Variants in ZNF114 observed in about 807,000 individuals in gnomAD.
ZNF114 encodes zinc finger protein 114 (Y18).
In ZNF114, 8 loss-of-function variants were observed where a neutral mutation model predicts 6.8. The observed-to-expected ratio is 1.18, with a 90% CI of 0.69 to 2.13. ZNF114 has a LOEUF of 2.13. ZNF114 is among the 30% of genes most tolerant of loss of function. The probability of loss-of-function intolerance (pLI) is 0.00; values close to 1 mark genes in which losing one functional copy is unlikely to be tolerated. For synonymous variants in ZNF114, 169 were observed against 185.5 expected, an observed-to-expected ratio of 0.91 and a Z score of 0.72; for missense variants, 472 against 519.5, an observed-to-expected ratio of 0.91 and a Z score of 0.89.
chr19:48,277,181 A>G lies in ZNF114; in HGVS notation c.-69-2550A>G, dbSNP rs567753995. The stretch of plus-strand genomic sequence containing the variant: ...GTCTCAAAAAAAAATTTTTTTTAAT[A>G]TATATATTTTTGTTATATTAGCTGG... On this transcript the variant is annotated intron_variant, in intron 3 of 5. Coordinates refer to ENST00000595607, the MANE Select transcript of ZNF114 (RefSeq NM_153608.4). 1.0e-4 allele frequency among the ~76,000 whole-genome samples: 15 copies of G among 148,920 alleles called. 1 individual carries two copies. In the South Asian group the frequency reaches 1.7e-3, roughly 17 times the overall value.
At position 48,274,369 on chromosome 19, in the gene ZNF114, CATCTT is replaced by C. The variant is rs199537898; in HGVS notation, c.-70+2544_-70+2548del. ...TCTAACATTTTATGAACAAATGACT[CATCTT>C]ATACTATTTAAGTTGACCACAGTCA... On this transcript the variant is annotated intron_variant, in intron 3 of 5. Coordinates refer to ENST00000595607, the MANE Select transcript of ZNF114 (RefSeq NM_153608.4). 7.7e-3 allele frequency among the ~76,000 whole-genome samples: 1,173 copies of C among 151,376 alleles called. 13 individuals carry two copies. The highest frequency in any genetic ancestry group is 0.012 in the Non-Finnish European group (811 of 67,896).
intron 3 of ZNF114, among the ~76,000 whole-genome samples, chr19:48,272,685 A>AAAAAAAAAAAG: frequency 7.0e-6 from 1 of 142,888 alleles, no homozygotes; most frequent in Non-Finnish European, 1.5e-5. Context: ...AAAAAAAAAA[A>AAAAAAAAAAAG]AAAAAAAAAA....
chr19:48,275,457 C>CACACACACACACAA lies in ZNF114; in HGVS notation c.-70+3630_-70+3631insCACACACACACAAA, dbSNP rs1181746572. 2.9e-4 allele frequency among the ~76,000 whole-genome samples: 42 copies of CACACACACACACAA among 144,676 alleles called. 1 individual carries two copies. Among genetic ancestry groups the CACACACACACACAA allele is most frequent in the South Asian group, 1.6e-3 (7 of 4,476 alleles). 94.9% of individuals were successfully genotyped at this position (144,676 alleles called of 152,430 possible). On this transcript the variant is annotated intron_variant, in intron 3 of 5. Transcript: ENST00000595607. ...ACACACACACACACACACACACACA[C>CACACACACACACAA]AAAATAGCCAGGCGTGGTGGTGGTC...
chr19:48,284,696 G>T (rs889834280), intron 5 of ZNF114, among the ~76,000 whole-genome samples: 1 of 152,226 alleles, frequency 6.6e-6, no homozygotes, highest in African/African-American at 2.4e-5. Context: ...CTCTCAAAGT[G>T]CTGGGATTAC....
intron 3 of ZNF114, among the ~76,000 whole-genome samples, chr19:48,275,419 A>AACACACACAC (rs58275965): frequency 0.053 from 7,071 of 133,024 alleles, 273 homozygotes; most frequent in African/African-American, 0.1. Context: ...TCTCTACTAA[A>AACACACACAC]ACACACACAC....
chr19:48,281,618 C>T (rs1042886860), intron 4 of ZNF114: 8 of 151,796 alleles, frequency 5.3e-5, no homozygotes, highest in Non-Finnish European at 8.8e-5. Flanking sequence ...CCTCCACCTC[C>T]CAGGCTCAGG....
chr19:48,280,009 A>G (rs1331571025), intron 4 of ZNF114, among the ~76,000 whole-genome samples: 1 of 152,090 alleles, frequency 6.6e-6, no homozygotes, highest in East Asian at 1.9e-4. Flanking sequence ...CCACCCCAGT[A>G]CTGACTGGTC....
At chr19:48,285,430 G>T (rs1291801977) in intron 5 of ZNF114, among the ~76,000 whole-genome samples, 1 of 151,860 alleles carries the variant, frequency 6.6e-6, no homozygotes, top group Non-Finnish European at 1.5e-5. Context: ...CCTGGGAGGC[G>T]GAGGTTGTAA....
Position 48,286,961 on chromosome 19 carries a change from T to G in ZNF114, c.*83T>G. 1 of 1,409,086 alleles carries G rather than the reference T, an allele frequency of 7.1e-7. No individual in the cohort carries two copies. Among genetic ancestry groups the G allele is most frequent in the Non-Finnish European group, 9.5e-7 (1 of 1,054,586 alleles). The allele number at this position is 1,409,086 out of a possible 1,614,324, so 87.3% of individuals were successfully genotyped here. Reference sequence around the variant, plus strand: ...CATATTGGAAGGGAGCTCAAGGGGTTAGCATGAGTGAGAACATCTTCCCTG... The same window carrying G: ...CATATTGGAAGGGAGCTCAAGGGGTGAGCATGAGTGAGAACATCTTCCCTG... On this transcript the variant is annotated 3_prime_UTR_variant, in exon 6 of 6. Coordinates refer to ENST00000595607, the MANE Select transcript of ZNF114 (RefSeq NM_153608.4).
chr19:48,287,128 C>A lies in ZNF114; in HGVS notation c.*250C>A. On this transcript the variant is annotated 3_prime_UTR_variant, in exon 6 of 6. Transcript: ENST00000595607. ...CGAATCTAAAAGGAATATGACAAAG[C>A]CTTCAGCGTGGTCTCAAATTCATGG... The A allele has an allele frequency of 3.3e-6, 1 of 302,792 alleles. No individual in the cohort carries two copies. The highest frequency in any genetic ancestry group is 6.0e-6 in the Non-Finnish European group (1 of 166,590). 18.8% of individuals were successfully genotyped at this position (302,792 alleles called of 1,614,324 possible). A position where few individuals can be genotyped will look rare whatever the true frequency, so the allele number is the denominator to read the frequency against.
At chr19:48,278,038 G>T (rs1967894621) in intron 3 of ZNF114, among the ~76,000 whole-genome samples, 1 of 151,982 alleles carries the variant, frequency 6.6e-6, no homozygotes, top group South Asian at 2.1e-4. Context: ...AGATTCAAGT[G>T]ATTCTCCTGC....
At chr19:48,284,429 T>C (rs1309506080) in intron 5 of ZNF114, among the ~76,000 whole-genome samples, 1 of 151,314 alleles carries the variant, frequency 6.6e-6, no homozygotes, top group African/African-American at 2.4e-5. Flanking sequence ...TTTTTTTAAT[T>C]AAAAGGAAAA....
At chr19:48,273,371 C>G (rs1474927611) in intron 3 of ZNF114, among the ~76,000 whole-genome samples, 5 of 151,978 alleles carry the variant, frequency 3.3e-5, no homozygotes, top group Non-Finnish European at 7.4e-5. Flanking sequence ...CAACCTCAGC[C>G]TGCTCACCTG....
chr19:48,283,312 T>G (rs1216388745), intron 5 of ZNF114, among the ~76,000 whole-genome samples: 1 of 152,168 alleles, frequency 6.6e-6, no homozygotes, highest in African/African-American at 2.4e-5. Context: ...ATGAGAAAAG[T>G]AGAGGGACCA....
At chr19:48,280,869 C>G (rs902069969) in intron 4 of ZNF114, among the ~76,000 whole-genome samples, 7 of 152,032 alleles carry the variant, frequency 4.6e-5, no homozygotes, top group African/African-American at 1.7e-4. Flanking sequence ...TAAGGAGTAG[C>G]CACCCCTCTG....
At chr19:48,274,058 A>G (rs916678594) in intron 3 of ZNF114, among the ~76,000 whole-genome samples, 1 of 150,780 alleles carries the variant, frequency 6.6e-6, no homozygotes, top group African/African-American at 2.4e-5. Flanking sequence ...TGCCTGGCCA[A>G]TATATATGTA....
At chr19:48,270,570 AAAG>A (rs1036264231) in intron 1 of ZNF114, among the ~76,000 whole-genome samples, 2 of 147,452 alleles carry the variant, frequency 1.4e-5, no homozygotes, top group East Asian at 2.0e-4. Flanking sequence ...GAGAAAGAAA[AAAG>A]AAAGAAGAAA....
chr19:48,285,049 C>T (rs536856519), intron 5 of ZNF114, among the ~76,000 whole-genome samples: 4 of 152,308 alleles, frequency 2.6e-5, no homozygotes, highest in African/African-American at 9.6e-5. Context: ...AGAACTGTTC[C>T]TCAGTAACAT....
At chr19:48,278,907 C>G (rs1967919243) in intron 3 of ZNF114, among the ~76,000 whole-genome samples, 1 of 151,982 alleles carries the variant, frequency 6.6e-6, no homozygotes, top group African/African-American at 2.4e-5. Flanking sequence ...CGTGCTACTG[C>G]ACTCCAGCCT....
Sources: allele counts gnomAD v4.1 joint callset (sites outside exome capture counted in the v4.1 genomes callset), GRCh38; gene constraint gnomAD v4.1.1; transcripts MANE v1.5; gene names NCBI Gene and HGNC (gene_info 2026-07-23, HGNC 2026-07-21).